Variants in DPYSL3 observed in about 807,000 individuals in gnomAD.
DPYSL3 encodes dihydropyrimidinase like 3.
DPYSL3 carries 16 observed loss-of-function variants against 66.1 expected under a neutral mutation model. The ratio of observed to expected loss-of-function variants is 0.24; its 90% CI spans 0.16 to 0.37. The LOEUF is 0.37. Ranked by LOEUF, DPYSL3 falls within the 10% of genes least tolerant of loss-of-function variation. The pLI is 1.00. For missense variants in DPYSL3, 738 were observed against 916.2 expected (o/e 0.81, Z 2.51); for synonymous variants, 338 against 345.1 (o/e 0.98, Z 0.23).
intron 1 of DPYSL3, among the ~76,000 whole-genome samples, chr5:147,468,977 C>T (rs1008646085): frequency 9.2e-5 from 14 of 152,112 alleles, no homozygotes; most frequent in Admixed American, 1.3e-4. Context: ...AATTAAGTTG[C>T]GAATACAATG....
At position 147,419,562 on chromosome 5, in the gene DPYSL3, G is replaced by A. The variant is rs1273188857; in HGVS notation, c.471-931C>T. On this transcript the variant is annotated intron_variant, in intron 2 of 13. Coordinates refer to ENST00000343218, the MANE Select transcript of DPYSL3 (RefSeq NM_001197294.2). ...AAACATGTCCACTATGGATAACAGG[G>A]AGACCTATGATTCATAAGCCTCTAT... is the stretch of plus-strand genomic sequence containing the variant. Among the ~76,000 whole-genome samples the A allele has an allele frequency of 2.4e-4, 36 of 152,174 alleles. 1 individual carries two copies.
At chr5:147,497,531 A>G (rs1172245326) in intron 1 of DPYSL3, among the ~76,000 whole-genome samples, 1 of 152,204 alleles carries the variant, frequency 6.6e-6, no homozygotes, top group Admixed American at 6.5e-5. Context: ...CACCATAGCC[A>G]TGAAGGTTTA....
At chr5:147,403,434 G>C (rs1319721533) in intron 8 of DPYSL3, among the ~76,000 whole-genome samples, 1 of 152,102 alleles carries the variant, frequency 6.6e-6, no homozygotes, top group African/African-American at 2.4e-5. Flanking sequence ...ATTACACCTA[G>C]ATTTGAATAC....
intron 11 of DPYSL3, 36 bp from the exon 12 acceptor site, chr5:147,397,881 G>T (rs934578339): frequency 1.7e-6 from 2 of 1,198,770 alleles, no homozygotes; most frequent in South Asian, 1.6e-5. Flanking sequence ...CCACAGTAAG[G>T]GTAGAGAAAG....
intron 1 of DPYSL3, among the ~76,000 whole-genome samples, chr5:147,429,523 A>C (rs1752268506): frequency 6.6e-6 from 1 of 152,176 alleles, no homozygotes; most frequent in African/African-American, 2.4e-5. Flanking sequence ...TAAATAGCTA[A>C]TAAATATTAC....
At chr5:147,466,884 T>C (rs1385351232) in intron 1 of DPYSL3, among the ~76,000 whole-genome samples, 1 of 152,184 alleles carries the variant, frequency 6.6e-6, no homozygotes, top group Non-Finnish European at 1.5e-5. Flanking sequence ...CAGAGACACA[T>C]GCCTGAGAGT....
At chr5:147,474,567 G>A (rs905305048) in intron 1 of DPYSL3, among the ~76,000 whole-genome samples, 6 of 151,998 alleles carry the variant, frequency 3.9e-5, no homozygotes, top group Non-Finnish European at 7.4e-5. Flanking sequence ...ACCCTTGTTA[G>A]CCACTCTATA....
chr5:147,446,932 G>A (rs1423503068), intron 1 of DPYSL3, among the ~76,000 whole-genome samples: 1 of 152,250 alleles, frequency 6.6e-6, no homozygotes, highest in Non-Finnish European at 1.5e-5. Context: ...CTAATGGCGG[G>A]AGGAGGTAGT....
chr5:147,454,985 G>A (rs1020798368), intron 1 of DPYSL3, among the ~76,000 whole-genome samples: 1 of 152,060 alleles, frequency 6.6e-6, no homozygotes, highest in Non-Finnish European at 1.5e-5. Context: ...AAAACCCTTT[G>A]AAGACAATTT....
chr5:147,463,982 G>A (rs1196825745), intron 1 of DPYSL3, among the ~76,000 whole-genome samples: 1 of 151,476 alleles, frequency 6.6e-6, no homozygotes, highest in Non-Finnish European at 1.5e-5. Flanking sequence ...TCATTAACTG[G>A]CACAGGATCC....
intron 1 of DPYSL3, among the ~76,000 whole-genome samples, chr5:147,476,716 G>C (rs1387520547): frequency 6.6e-6 from 1 of 152,196 alleles, no homozygotes; most frequent in African/African-American, 2.4e-5. Context: ...TCTTGATGGA[G>C]TATTGTGGGA....
At chr5:147,508,834 C>T (rs1425833403) in intron 1 of DPYSL3, among the ~76,000 whole-genome samples, 1 of 152,130 alleles carries the variant, frequency 6.6e-6, no homozygotes, top group Non-Finnish European at 1.5e-5. Flanking sequence ...AGTCTTGTGC[C>T]AAGCTATGTA....
intron 1 of DPYSL3, among the ~76,000 whole-genome samples, chr5:147,490,927 G>A (rs1408793756): frequency 7.2e-5 from 11 of 152,182 alleles, no homozygotes; most frequent in Non-Finnish European, 1.6e-4. Context: ...AACTCTGCCA[G>A]GACCTCATAG....
chr5:147,474,098 G>A lies in DPYSL3; in HGVS notation c.381+35380C>T, dbSNP rs530182270. Among the ~76,000 whole-genome samples the A allele has an allele frequency of 2.8e-4, 42 of 152,070 alleles. No individual in the cohort carries two copies. The Middle Eastern group carries it at 0.017, about 62-fold the overall frequency. ...ATACTGTCTTAATCTTTTTGAGTTT[G>A]TTTCCTTTTCTATAAAATGGGGATG... On this transcript the variant is annotated intron_variant, in intron 1 of 13. Transcript: ENST00000343218.
intron 1 of DPYSL3, among the ~76,000 whole-genome samples, chr5:147,479,744 G>T (rs1158475698): frequency 6.6e-6 from 1 of 152,138 alleles, no homozygotes; most frequent in Non-Finnish European, 1.5e-5. Flanking sequence ...TTCCCAGATG[G>T]CCTGATAATC....
intron 1 of DPYSL3, among the ~76,000 whole-genome samples, chr5:147,439,518 C>A (rs1752491610): frequency 6.6e-6 from 1 of 152,108 alleles, no homozygotes; most frequent in Non-Finnish European, 1.5e-5. Context: ...CACATGGGAC[C>A]TCAAGAGCCA....
At chr5:147,459,348 T>A (rs1022832081) in intron 1 of DPYSL3, among the ~76,000 whole-genome samples, 1 of 152,154 alleles carries the variant, frequency 6.6e-6, no homozygotes, top group African/African-American at 2.4e-5. Flanking sequence ...GGAAAATGTA[T>A]ATACTAGGCC....
At chr5:147,487,146 C>T (rs1430638238) in intron 1 of DPYSL3, among the ~76,000 whole-genome samples, 1 of 152,092 alleles carries the variant, frequency 6.6e-6, no homozygotes, top group East Asian at 1.9e-4. Flanking sequence ...TTAAGCTTGA[C>T]CTCCTTCTTC....
chr5:147,458,338 C>T (rs1409139018), intron 1 of DPYSL3, among the ~76,000 whole-genome samples: 2 of 152,168 alleles, frequency 1.3e-5, no homozygotes, highest in Non-Finnish European at 2.9e-5. Flanking sequence ...CCCACCAGCG[C>T]CATGACAGTT....
Sources: gnomAD v4.1 joint callset for allele counts (sites outside exome capture counted in the v4.1 genomes callset) on GRCh38, gnomAD v4.1.1 for gene constraint, MANE v1.5 for transcripts, NCBI Gene and HGNC (gene_info 2026-07-23, HGNC 2026-07-21) for gene names.